Variants in DOT1L observed in about 807,000 individuals in gnomAD.
DOT1L encodes the protein histone-lysine N-methyltransferase, H3 lysine-79 specific.
DOT1L carries 33 observed loss-of-function variants against 153.3 expected under a neutral mutation model. The observed-to-expected ratio is 0.22, with a 90% CI of 0.16 to 0.29. The LOEUF is 0.29. Among genes scored for constraint, DOT1L ranks in the 10% least tolerant of loss-of-function variants. The pLI, the probability that DOT1L is intolerant of heterozygous loss-of-function variation, is 1.00. For synonymous variants in DOT1L, 1,135 were observed against 965.1 expected, an observed-to-expected ratio of 1.18 and a Z score of -3.26; for missense variants, 1,847 against 2,119.9, an observed-to-expected ratio of 0.87 and a Z score of 2.53.
chr19:2,165,547 A>G (rs989800778), intron 1 of DOT1L, among the ~76,000 whole-genome samples: 2 of 152,222 alleles, frequency 1.3e-5, no homozygotes, highest in African/African-American at 4.8e-5. Context: ...GAGAGGTCCT[A>G]GGACAAAAAC....
rs1421686719 is a variant in DOT1L at position 2,193,005 on chromosome 19, C to T, written c.494-684C>T. Among the ~76,000 whole-genome samples, 1 of 152,194 alleles carries T rather than the reference C, an allele frequency of 6.6e-6. No individual in the cohort carries two copies. The highest frequency in any genetic ancestry group is 6.5e-5 in the Admixed American group (1 of 15,276). ...TTGTGGTCGCTCCATGGTTCATGCC[C>T]GTTCCCTGGAGCACAGAGCTGCCTA... On this transcript the variant is annotated intron_variant, in intron 5 of 27. Transcript: ENST00000398665. This position sits in a 1 kb window ranked among gnomAD's most constrained non-coding sequence, Gnocchi z 5.9.
In DOT1L at chr19:2,189,794, TGGTAGGTGGCTTGCCCCTGCCCAGAGGG is replaced by T; in HGVS notation, c.264+3_264+30del. ...CGTGCCATCGACAGCATCCACCAGC[TGGTAGGTGGCTTGCCCCTGCCCAGAGGG>T]GGTTAGTAGTGCCAGGCTCCCGGAC... On this transcript the variant is annotated splice_donor_variant and splice_donor_5th_base_variant and coding_sequence_variant and intron_variant, in exon 4 of 28. Transcript: ENST00000398665. LOFTEE classifies it high-confidence loss of function. 1.2e-6 allele frequency: 2 copies of T among 1,612,104 alleles called. No individual in the cohort carries two copies. Among genetic ancestry groups the T allele is most frequent in the Non-Finnish European group, 1.7e-6 (2 of 1,179,992 alleles).
chr19:2,178,809 C>T (rs924569901), intron 1 of DOT1L, among the ~76,000 whole-genome samples: 1 of 152,198 alleles, frequency 6.6e-6, no homozygotes, highest in African/African-American at 2.4e-5. Context: ...TCGTGATCCA[C>T]CTGCCTCAGC....
intron 27 of DOT1L, chr19:2,227,583 A>G (rs2144944015): frequency 1.1e-6 from 1 of 880,520 alleles, no homozygotes; most frequent in Non-Finnish European, 1.5e-6. Context: ...AGGGCGGGCC[A>G]CCACGAGCCT....
chr19:2,230,083 T>G lies in DOT1L; in HGVS notation c.*291T>G. The G allele has an allele frequency of 1.7e-6, 1 of 596,816 alleles. No individual in the cohort carries two copies. The highest frequency in any genetic ancestry group is 2.1e-5 in the South Asian group (1 of 47,866). The allele number at this position is 596,816 out of a possible 1,614,324, so 37.0% of individuals were successfully genotyped here. On this transcript the variant is annotated 3_prime_UTR_variant, in exon 28 of 28. Coordinates refer to ENST00000398665, the MANE Select transcript of DOT1L (RefSeq NM_032482.3). ...GGCAACTTATTGAGAAATATAAATA[T>G]CTATATATGAGAGCTCTATATAAAG...
At chr19:2,209,187 C>G (rs1463377870) in intron 12 of DOT1L, among the ~76,000 whole-genome samples, 9 of 152,098 alleles carry the variant, frequency 5.9e-5, no homozygotes, top group Non-Finnish European at 1.3e-4. Flanking sequence ...CCTGTCCTCC[C>G]CCTCTTCCTC....
chr19:2,188,527 G>A (rs1281363253), intron 3 of DOT1L, among the ~76,000 whole-genome samples: 1 of 147,152 alleles, frequency 6.8e-6, no homozygotes, highest in Non-Finnish European at 1.5e-5. Context: ...TCGGCGCTGG[G>A]GATGTGGAAG....
At chr19:2,228,546 A>T in intron 27 of DOT1L, 1 of 985,386 alleles carries the variant, frequency 1.0e-6, no homozygotes, top group Non-Finnish European at 1.2e-6. Context: ...GAGGGACTAC[A>T]GGACGGGCAC....
chr19:2,175,375 A>G (rs761560983), intron 1 of DOT1L, among the ~76,000 whole-genome samples: 1 of 152,070 alleles, frequency 6.6e-6, no homozygotes, highest in Non-Finnish European at 1.5e-5. Flanking sequence ...ATCATGATTC[A>G]CTGTGGCCTC....
At chr19:2,194,422 C>G in intron 6 of DOT1L, 93 bp from the exon 7 acceptor site, 2 of 1,429,388 alleles carry the variant, frequency 1.4e-6, no homozygotes. Flanking sequence ...CCGCCCTCCT[C>G]AGCCTCCCAA....
Position 2,204,048 on chromosome 19 carries a change from C to G in DOT1L, c.787+1269C>G, listed in dbSNP as rs954788272. 6.6e-6 allele frequency among the ~76,000 whole-genome samples: 1 copy of G among 152,224 alleles called. No homozygotes were observed. ...AACCCAGAGGGTCTGCAGCTGCCTT[C>G]AGCACCAACGCCCCACAACCTGGGG... On this transcript the variant is annotated intron_variant, in intron 9 of 27. Transcript: ENST00000398665. This position sits in a 1 kb window ranked among gnomAD's most constrained non-coding sequence, Gnocchi z 5.7.
chr19:2,226,099 G>A, intron 26 of DOT1L, 84 bp from the exon 27 acceptor site: 1 of 1,417,778 alleles, frequency 7.1e-7, no homozygotes, highest in Non-Finnish European at 9.3e-7. Flanking sequence ...AGTTGCCCGG[G>A]CCGTGGCAGC....
intron 27 of DOT1L, chr19:2,227,837 G>T: frequency 7.8e-7 from 1 of 1,290,206 alleles, no homozygotes; most frequent in Non-Finnish European, 1.0e-6. Context: ...GCCCGAGCCC[G>T]CTGCAGGCGG....
intron 22 of DOT1L, among the ~76,000 whole-genome samples, chr19:2,219,361 G>A (rs746441552): frequency 1.3e-5 from 2 of 152,030 alleles, no homozygotes; most frequent in Non-Finnish European, 2.9e-5. Flanking sequence ...TTCTTCACCC[G>A]GGAAAAAGCG....
rs541229328 is a variant in DOT1L, at chr19:2,187,778, C to T, written c.200+1849C>T. 3.3e-3 allele frequency among the ~76,000 whole-genome samples: 496 copies of T among 152,212 alleles called. 2 individuals are homozygous for T. Among genetic ancestry groups the T allele is most frequent in the South Asian group, 5.0e-3 (24 of 4,818 alleles). On this transcript the variant is annotated intron_variant, in intron 3 of 27. Transcript: ENST00000398665. Reference sequence around the variant, plus strand: ...TCTACTAAAAATACAAAAAATTAGCCGGGCGTGGTGGCGGGTGCCTGTAGT... The same window carrying T: ...TCTACTAAAAATACAAAAAATTAGCTGGGCGTGGTGGCGGGTGCCTGTAGT...
rs1173458028 is a variant in DOT1L, at chr19:2,194,271, C to T, written c.589-244C>T. On this transcript the variant is annotated intron_variant, in intron 6 of 27. Coordinates refer to ENST00000398665, the MANE Select transcript of DOT1L (RefSeq NM_032482.3). ...CTGCAAGCTCCGCCACCTGGGTTCA[C>T]ACCATTCTCCTGCCTCAGCCTCCCG... 2.0e-5 allele frequency among the ~76,000 whole-genome samples: 3 copies of T among 152,136 alleles called. No homozygotes were observed. The East Asian group carries it at 5.8e-4, about 29-fold the overall frequency.
intron 22 of DOT1L, among the ~76,000 whole-genome samples, chr19:2,219,485 G>A (rs1210122659): frequency 6.6e-6 from 1 of 152,114 alleles, no homozygotes; most frequent in African/African-American, 2.4e-5. Context: ...CTGTGTGGAT[G>A]GAGTGTGCCA....
At chr19:2,210,889 C>T (rs2023685222) in intron 14 of DOT1L, 34 bp downstream of exon 14, 4 of 1,603,642 alleles carry the variant, frequency 2.5e-6, no homozygotes, top group Non-Finnish European at 3.4e-6. Context: ...CCCCGCTCTC[C>T]CCGAGTGCGG....
At chr19:2,199,980 G>A (rs770436245) in intron 8 of DOT1L, 41 bp downstream of exon 8, 25 of 1,606,138 alleles carry the variant, frequency 1.6e-5, no homozygotes, top group South Asian at 9.9e-5. Context: ...TGGGGTGTGC[G>A]CTCACAGGCG....
Sources: gnomAD v4.1 joint callset for allele counts (sites outside exome capture counted in the v4.1 genomes callset) on GRCh38, gnomAD v4.1.1 for gene constraint, Gnocchi (gnomAD v3.1) non-coding constraint, MANE v1.5 for transcripts, NCBI Gene and HGNC (gene_info 2026-07-23, HGNC 2026-07-21) for gene names.